PDE4D: variants seen among roughly 807,000 people sequenced by gnomAD.
The protein encoded by PDE4D is 3',5'-cyclic-AMP phosphodiesterase 4D.
A neutral mutation model predicts 87.4 loss-of-function variants in PDE4D; 24 were observed. The ratio of observed to expected loss-of-function variants is 0.27; its 90% CI spans 0.20 to 0.39. The LOEUF (loss-of-function observed/expected upper bound fraction) is 0.39. Ranked by LOEUF, PDE4D falls within the 10% of genes least tolerant of loss-of-function variation. PDE4D has a pLI of 1.00. For synonymous variants in PDE4D, 384 were observed against 383.2 expected, an observed-to-expected ratio of 1.00 and a Z score of -0.02; for missense variants, 714 against 1,041.0, an observed-to-expected ratio of 0.69 and a Z score of 4.32.
chr5:59,306,817 T>C (rs548845424), intron 1 of PDE4D, among the ~76,000 whole-genome samples: 1 of 132,828 alleles, frequency 7.5e-6, no homozygotes, highest in Non-Finnish European at 1.6e-5. Flanking sequence ...GCCATCCCCA[T>C]CAAGCTACCC....
chr5:60,287,499 C>T (rs1315619761), intron 1 of PDE4D, among the ~76,000 whole-genome samples: 3 of 152,174 alleles, frequency 2.0e-5, no homozygotes, highest in Non-Finnish European at 2.9e-5. Context: ...GTGCCTTGCA[C>T]TTAGTTTAGT....
At chr5:59,719,832 A>G (rs62370504) in intron 1 of PDE4D, among the ~76,000 whole-genome samples, 4,558 of 152,300 alleles carry the variant, frequency 0.03, 107 homozygotes, top group Non-Finnish European at 0.046. Flanking sequence ...AGCCATGACA[A>G]CTATTGGGGA....
chr5:59,011,603 G>A lies in PDE4D; in HGVS notation c.922-18138C>T, dbSNP rs193017634. 8.5e-3 allele frequency among the ~76,000 whole-genome samples: 1,291 copies of A among 152,204 alleles called. 19 individuals carry two copies. Among genetic ancestry groups the A allele is most frequent in the African/African-American group, 0.029 (1,215 of 41,532 alleles). On this transcript the variant is annotated intron_variant, in intron 6 of 14. Transcript: ENST00000340635. ...AATGAAGCAAGAAGAGAAGTTTAGA[G>A]AAAAAAGAGTAAAAATAAATGAACA...
intron 1 of PDE4D, among the ~76,000 whole-genome samples, chr5:59,748,710 T>C (rs180972495): frequency 2.7e-5 from 4 of 150,882 alleles, no homozygotes; most frequent in Admixed American, 2.6e-4. Flanking sequence ...AAATGACGAG[T>C]TAATAATGGG....
At chr5:60,050,889 T>C (rs191765844) in intron 2 of PDE4D, among the ~76,000 whole-genome samples, 1 of 152,326 alleles carries the variant, frequency 6.6e-6, no homozygotes, top group Non-Finnish European at 1.5e-5. Context: ...GTTGCCATCC[T>C]AATTTCTGAT....
At chr5:59,311,104 G>T (rs889051794) in intron 1 of PDE4D, among the ~76,000 whole-genome samples, 1 of 152,162 alleles carries the variant, frequency 6.6e-6, no homozygotes, top group East Asian at 1.9e-4. Flanking sequence ...AGAGATGAAG[G>T]CTGGTCCTGG....
At chr5:59,809,998 G>A (rs1012546471) in intron 1 of PDE4D, among the ~76,000 whole-genome samples, 5 of 152,184 alleles carry the variant, frequency 3.3e-5, no homozygotes, top group Non-Finnish European at 7.3e-5. Flanking sequence ...GCAATTAAGC[G>A]ACTTCTCATA....
rs545979643 is a variant in PDE4D at position 59,948,116 on chromosome 5, C to T, written c.272+40372G>A. On this transcript the variant is annotated intron_variant, in intron 3 of 16. Coordinates refer to the PDE4D transcript ENST00000502484. ...TGGACCTCAAATATTAGCTTACTAG[C>T]GAGTGTAGTTAATAGTGCCACTAAT... Among the ~76,000 whole-genome samples the T allele has an allele frequency of 1.1e-4, 16 of 152,274 alleles. No individual in the cohort carries two copies. The South Asian group carries it at 1.4e-3, about 14-fold the overall frequency.
chr5:59,956,420 T>G (rs1409478713), intron 3 of PDE4D, among the ~76,000 whole-genome samples: 2 of 152,150 alleles, frequency 1.3e-5, no homozygotes, highest in African/African-American at 2.4e-5. Flanking sequence ...TCATTTTAGA[T>G]TCATGTCTTG....
chr5:59,599,264 C>T (rs530887286), intron 1 of PDE4D, among the ~76,000 whole-genome samples: 1 of 150,590 alleles, frequency 6.6e-6, no homozygotes, highest in Admixed American at 6.6e-5. Flanking sequence ...TCTTGTTGCC[C>T]AGGCTGGAGT....
At position 60,143,347 on chromosome 5, in the gene PDE4D, G is replaced by A. The variant is rs112052597; in HGVS notation, c.42+42210C>T. Among the ~76,000 whole-genome samples the A allele has an allele frequency of 8.5e-5, 13 of 152,186 alleles. No individual in the cohort carries two copies. In the South Asian group the frequency reaches 2.7e-3, roughly 32 times the overall value. ...TAATATTCTATAACAAAATTTTGAAGGTCATTCCTTAAAATATGATTTTTA... is the reference window on the plus strand; with the variant it reads ...TAATATTCTATAACAAAATTTTGAAAGTCATTCCTTAAAATATGATTTTTA... On this transcript the variant is annotated intron_variant, in intron 2 of 16. Transcript: ENST00000502484.
At position 59,702,347 on chromosome 5, in the gene PDE4D, C is replaced by T. The variant is rs976545264; in HGVS notation, c.455+190821G>A. On this transcript the variant is annotated intron_variant, in intron 1 of 14. Coordinates refer to ENST00000340635, the MANE Select transcript of PDE4D (RefSeq NM_001104631.2). ...CACACCATATTAGCCAGGATGGTCT[C>T]GATCTCCTGACCTTGTGATCTGCCT... Among the ~76,000 whole-genome samples, 164 of 152,014 alleles carry T rather than the reference C, an allele frequency of 1.1e-3. 1 individual carries two copies. Among genetic ancestry groups the T allele is most frequent in the African/African-American group, 3.8e-3 (156 of 41,378 alleles).
chr5:60,362,106 A>C (rs1760126587), intron 1 of PDE4D, among the ~76,000 whole-genome samples: 1 of 152,224 alleles, frequency 6.6e-6, no homozygotes, highest in African/African-American at 2.4e-5. Flanking sequence ...TGAGGAGAGA[A>C]GGCAATTTAT....
At chr5:60,364,642 G>A (rs1313077655) in intron 1 of PDE4D, among the ~76,000 whole-genome samples, 1 of 152,010 alleles carries the variant, frequency 6.6e-6, no homozygotes, top group African/African-American at 2.4e-5. Context: ...TATGAACCAT[G>A]CTTGCACCAG....
At chr5:60,274,956 C>A (rs1016440297) in intron 1 of PDE4D, among the ~76,000 whole-genome samples, 2 of 152,172 alleles carry the variant, frequency 1.3e-5, no homozygotes, top group African/African-American at 2.4e-5. Context: ...TCTGTATTTT[C>A]CTAAGATTCC....
chr5:59,979,058 T>C (rs565343595), intron 3 of PDE4D, among the ~76,000 whole-genome samples: 248 of 152,340 alleles, frequency 1.6e-3, no homozygotes, highest in South Asian at 9.9e-3. Flanking sequence ...ACTTGCTTTA[T>C]TGTGATATTT....
intron 2 of PDE4D, among the ~76,000 whole-genome samples, chr5:59,992,378 C>CACCT (rs1763098723): frequency 1.3e-5 from 2 of 152,150 alleles, no homozygotes; most frequent in African/African-American, 4.8e-5. Flanking sequence ...TGTGGGACTT[C>CACCT]ACCTTGTGAT....
intron 1 of PDE4D, among the ~76,000 whole-genome samples, chr5:59,835,487 T>G (rs895464345): frequency 5.9e-5 from 9 of 152,090 alleles, no homozygotes; most frequent in Non-Finnish European, 8.8e-5. Context: ...ATCACTGGGC[T>G]ATGGCCCAGT....
chr5:59,772,121 C>T (rs2152608225), intron 1 of PDE4D, among the ~76,000 whole-genome samples: 1 of 152,226 alleles, frequency 6.6e-6, no homozygotes, highest in South Asian at 2.1e-4. Context: ...CAAAGTCATG[C>T]TTGAAAATTG....
Sources: gnomAD v4.1 joint callset for allele counts (sites outside exome capture counted in the v4.1 genomes callset) on GRCh38, gnomAD v4.1.1 for gene constraint, MANE v1.5 for transcripts, NCBI Gene and HGNC (gene_info 2026-07-23, HGNC 2026-07-21) for gene names.